The following ATP6V0A1 variants were observed in gnomAD, a reference collection of about 807,000 sequenced individuals.
ATP6V0A1 encodes the protein V-type proton ATPase 116 kDa subunit a 1.
A neutral mutation model predicts 105.4 loss-of-function variants in ATP6V0A1; 43 were observed. The observed-to-expected ratio is 0.41, with a 90% CI of 0.32 to 0.53. The LOEUF (loss-of-function observed/expected upper bound fraction) is 0.53. ATP6V0A1 is among the 20% of genes least tolerant of loss of function. ATP6V0A1 has a pLI of 0.30. For synonymous variants in ATP6V0A1, 362 were observed against 372.8 expected, an observed-to-expected ratio of 0.97 and a Z score of 0.33; for missense variants, 676 against 1,051.1, an observed-to-expected ratio of 0.64 and a Z score of 4.93.
At chr17:42,506,850 C>T (rs190767554) in intron 17 of ATP6V0A1, among the ~76,000 whole-genome samples, 2 of 152,298 alleles carry the variant, frequency 1.3e-5, no homozygotes, top group East Asian at 1.9e-4. Context: ...CGTCTGCCCA[C>T]GTGCCTGTGG....
intron 21 of ATP6V0A1, 143 bp downstream of exon 21, chr17:42,514,603 C>T (rs966672032): frequency 1.8e-5 from 15 of 838,476 alleles, no homozygotes; most frequent in Admixed American, 1.7e-4. Context: ...CTCAGGACAC[C>T]CCAGCACCGG....
In ATP6V0A1 at chr17:42,498,952, C is replaced by T. The variant is rs754370235; in HGVS notation, c.1589C>T (p.Thr530Met). 9 of 1,612,678 alleles carry T rather than the reference C, an allele frequency of 5.6e-6. No homozygotes were observed. Among genetic ancestry groups the T allele is most frequent in the East Asian group, 2.2e-5 (1 of 44,864 alleles). ...TGGAACATTGCTACCAATAAACTGA[C>T]GTTCTTGAACTCCTTTAAGATGAAG... Reference protein sequence around the residue: ...PIWNIATNKLTFLNSFKMKMS... With the variant: ...PIWNIATNKLMFLNSFKMKMS... Residue 530 changes from threonine to methionine, a missense_variant, in exon 15 of 22, where the codon ACG becomes ATG. Physicochemically the swap from Thr to Met is moderately conservative, Grantham distance 81. This residue lies in a region of ATP6V0A1 where 435 missense variants were observed against 642.2 expected (regional missense o/e 0.68). Transcript: ENST00000343619.
At chr17:42,473,437 A>G (rs2088272529) in intron 5 of ATP6V0A1, among the ~76,000 whole-genome samples, 1 of 152,232 alleles carries the variant, frequency 6.6e-6, no homozygotes, top group Non-Finnish European at 1.5e-5. Context: ...GGAATGTATC[A>G]TTCAGTCTTA....
At chr17:42,491,941 T>C (rs2090680499) in intron 11 of ATP6V0A1, among the ~76,000 whole-genome samples, 1 of 152,162 alleles carries the variant, frequency 6.6e-6, no homozygotes, top group African/African-American at 2.4e-5. Flanking sequence ...CCTAGCACTT[T>C]TAGAGGCCGA....
chr17:42,494,967 GA>G, intron 12 of ATP6V0A1, 66 bp from the exon 13 acceptor site: 1 of 1,528,822 alleles, frequency 6.5e-7, no homozygotes, highest in Non-Finnish European at 9.0e-7. Flanking sequence ...GGTATATTCT[GA>G]ATAACATTGT....
At chr17:42,471,604 C>A (rs1441398836) in intron 5 of ATP6V0A1, among the ~76,000 whole-genome samples, 1 of 151,860 alleles carries the variant, frequency 6.6e-6, no homozygotes, top group Admixed American at 6.6e-5. Flanking sequence ...CATCGTGGTG[C>A]ACACCTGTAG....
At chr17:42,494,563 CATGA>C (rs1250414269) in intron 12 of ATP6V0A1, 90 bp downstream of exon 12, 6 of 1,427,374 alleles carry the variant, frequency 4.2e-6, no homozygotes, top group Non-Finnish European at 3.8e-6. Context: ...GTCTTTTATC[CATGA>C]ATTTATCAAA....
At chr17:42,512,802 T>G (rs1170860582) in intron 19 of ATP6V0A1, among the ~76,000 whole-genome samples, 1 of 151,980 alleles carries the variant, frequency 6.6e-6, no homozygotes, top group Admixed American at 6.6e-5. Flanking sequence ...GGAACTGCGG[T>G]GAAAAATAGA....
chr17:42,484,659 G>A (rs549918138), intron 9 of ATP6V0A1, among the ~76,000 whole-genome samples: 19 of 152,204 alleles, frequency 1.2e-4, no homozygotes, highest in African/African-American at 4.6e-4. Flanking sequence ...GAGGAGTTGT[G>A]AACTGTGTGT....
rs184259262 is a variant in ATP6V0A1, at chr17:42,506,839, G to A, written c.2005-681G>A. Among the ~76,000 whole-genome samples the A allele has an allele frequency of 7.0e-4, 106 of 152,304 alleles. No individual in the cohort carries two copies. The Middle Eastern group carries it at 0.01, about 15-fold the overall frequency. On this transcript the variant is annotated intron_variant, in intron 17 of 21. Transcript: ENST00000343619. ...CTCAGAAGAAGCAAATGCCCCATCA[G>A]CGTCTGCCCACGTGCCTGTGGAAGA...
intron 5 of ATP6V0A1, among the ~76,000 whole-genome samples, chr17:42,475,353 C>G (rs2088591415): frequency 6.6e-6 from 1 of 152,110 alleles, no homozygotes; most frequent in Non-Finnish European, 1.5e-5. Flanking sequence ...AATGGAGAAA[C>G]CAGAGGGCAT....
Position 42,480,652 on chromosome 17 carries a change from T to G in ATP6V0A1, c.634-15T>G. On this transcript the variant is annotated splice_polypyrimidine_tract_variant and intron_variant, in intron 7 of 21. Transcript: ENST00000343619. ...ACAGAAGTCTGAACTCTTGTTTTTT[T>G]ATTCTGGGGCCTAGGGCGACTACGT... is the stretch of plus-strand genomic sequence containing the variant. The G allele has an allele frequency of 6.3e-7, 1 of 1,596,988 alleles. No individual in the cohort carries two copies. Among genetic ancestry groups the G allele is most frequent in the Non-Finnish European group, 8.5e-7 (1 of 1,174,816 alleles).
chr17:42,478,397 C>A, intron 6 of ATP6V0A1, 66 bp from the exon 7 acceptor site: 3 of 1,236,798 alleles, frequency 2.4e-6, no homozygotes, highest in Non-Finnish European at 3.1e-6. Context: ...ATAAAAAAGA[C>A]TTGTATTAAA....
intron 15 of ATP6V0A1, among the ~76,000 whole-genome samples, chr17:42,499,450 G>A (rs1009311157): frequency 1.3e-4 from 19 of 151,716 alleles, no homozygotes; most frequent in African/African-American, 3.2e-4. Context: ...CAGCCTGAGC[G>A]ACAGAGTGAG....
In ATP6V0A1 at chr17:42,461,030, G is replaced by C; in HGVS notation, c.117+19G>C. The stretch of plus-strand genomic sequence containing the variant: ...TCGTGACGTAAGTAGTTGTGGGGCT[G>C]CGACTTGATTACTGCTGAACTCTAT... On this transcript the variant is annotated intron_variant, in intron 2 of 21. Transcript: ENST00000343619. 6.3e-7 allele frequency: 1 copy of C among 1,588,336 alleles called. No individual in the cohort carries two copies. The highest frequency in any genetic ancestry group is 1.1e-5 in the South Asian group (1 of 90,538).
chr17:42,516,570 C>T (rs1000809419), intron 21 of ATP6V0A1, among the ~76,000 whole-genome samples: 1 of 152,226 alleles, frequency 6.6e-6, no homozygotes, highest in South Asian at 2.1e-4. Context: ...TCTTTTCACT[C>T]CTGTCTCTTG....
At chr17:42,519,416 G>A (rs907101471) in intron 21 of ATP6V0A1, 3 of 152,246 alleles carry the variant, frequency 2.0e-5, no homozygotes, top group Non-Finnish European at 4.4e-5. Flanking sequence ...GTAATGGCCT[G>A]GGACCCTCAG....
chr17:42,469,349 C>CA (rs1475974824), intron 4 of ATP6V0A1, among the ~76,000 whole-genome samples: 5 of 117,876 alleles, frequency 4.2e-5, no homozygotes, highest in African/African-American at 1.8e-4. Context: ...TTTTTTTTTC[C>CA]AGACAGAGTC....
chr17:42,468,668 A>T lies in ATP6V0A1; in HGVS notation c.294+561A>T, dbSNP rs201441703. ...CTGTGCCCTGCTTATTTCGCTTAACATAATGACCTCCAGTTCTATCCATGT... is the reference window on the plus strand; with the variant it reads ...CTGTGCCCTGCTTATTTCGCTTAACTTAATGACCTCCAGTTCTATCCATGT... On this transcript the variant is annotated intron_variant, in intron 4 of 21. Coordinates refer to ENST00000343619, the MANE Select transcript of ATP6V0A1 (RefSeq NM_001130021.3). 1.3e-4 allele frequency among the ~76,000 whole-genome samples: 20 copies of T among 152,288 alleles called. No individual in the cohort carries two copies. The East Asian group carries it at 3.9e-3, about 29-fold the overall frequency.
Sources: allele counts gnomAD v4.1 joint callset (sites outside exome capture counted in the v4.1 genomes callset), GRCh38; gene constraint gnomAD v4.1.1; regional missense constraint gnomAD v4.1.1; transcripts MANE v1.5; gene names NCBI Gene and HGNC (gene_info 2026-07-23, HGNC 2026-07-21).